Variants in ZSCAN5A observed in about 807,000 individuals in gnomAD.
The protein encoded by ZSCAN5A is zinc finger and SCAN domain-containing protein 5A.
In ZSCAN5A, 12 loss-of-function variants were observed where a neutral mutation model predicts 23.7. That is an observed-to-expected ratio of 0.51 (90% CI 0.32 to 0.82). The LOEUF is 0.82. Among genes scored for constraint, ZSCAN5A ranks in the 40% least tolerant of loss-of-function variants. ZSCAN5A has a pLI of 0.03. For missense variants in ZSCAN5A, 597 were observed against 617.9 expected, an observed-to-expected ratio of 0.97 and a Z score of 0.36; for synonymous variants, 257 against 239.9, an observed-to-expected ratio of 1.07 and a Z score of -0.66.
chr19:56,356,487 A>G lies in ZSCAN5A; in HGVS notation c.-358+6748T>C, dbSNP rs904702611. ...TCTAAGGAATGTGAAACTGGGGAGT[A>G]TAGATGAGGCTCATGGAGCACAGAA... On this transcript the variant is annotated intron_variant, in intron 2 of 6. Transcript: ENST00000587340. 6.7e-5 allele frequency among the ~76,000 whole-genome samples: 10 copies of G among 148,304 alleles called. 1 individual carries two copies. The highest frequency in any genetic ancestry group is 2.5e-4 in the African/African-American group (10 of 39,216).
intron 2 of ZSCAN5A, among the ~76,000 whole-genome samples, chr19:56,291,414 C>T (rs924997044): frequency 6.6e-6 from 1 of 152,198 alleles, no homozygotes; most frequent in Admixed American, 6.5e-5. Context: ...TCTCGAGTCA[C>T]CCACCCTGGG....
intron 2 of ZSCAN5A, among the ~76,000 whole-genome samples, chr19:56,235,053 C>T (rs1307160412): frequency 1.4e-5 from 2 of 139,956 alleles, no homozygotes; most frequent in African/African-American, 5.2e-5. Context: ...CCACTCCAGC[C>T]TCTGATTGAC....
At chr19:56,289,388 C>A (rs141820645) in intron 2 of ZSCAN5A, among the ~76,000 whole-genome samples, 1 of 152,252 alleles carries the variant, frequency 6.6e-6, no homozygotes, top group African/African-American at 2.4e-5. Context: ...AGGCCCTTTA[C>A]AGAGGGGAGG....
intron 2 of ZSCAN5A, chr19:56,304,704 G>T: frequency 1.3e-6 from 1 of 747,172 alleles, no homozygotes; most frequent in Non-Finnish European, 1.6e-6. Context: ...GCGAGAGGGG[G>T]ATGGGGAGAA....
intron 2 of ZSCAN5A, chr19:56,342,901 C>T (rs745381712): frequency 1.9e-6 from 2 of 1,031,548 alleles, no homozygotes; most frequent in Non-Finnish European, 3.1e-6. Context: ...TCTCCCCATC[C>T]TGAGGCACCT....
At chr19:56,261,216 GA>G (rs1291324566) in intron 2 of ZSCAN5A, among the ~76,000 whole-genome samples, 1 of 146,370 alleles carries the variant, frequency 6.8e-6, no homozygotes, top group Admixed American at 6.8e-5. Flanking sequence ...AAAAAAAAAA[GA>G]AAAAAATAAA....
chr19:56,288,209 C>A (rs573297416), intron 2 of ZSCAN5A, among the ~76,000 whole-genome samples: 6 of 152,308 alleles, frequency 3.9e-5, no homozygotes, highest in African/African-American at 1.4e-4. Context: ...TCTCCAGCCA[C>A]GTCTTGTACC....
intron 2 of ZSCAN5A, among the ~76,000 whole-genome samples, chr19:56,284,774 A>G (rs552867210): frequency 5.7e-4 from 87 of 152,134 alleles, no homozygotes; most frequent in African/African-American, 2.0e-3. Flanking sequence ...TCAGCCCCCA[A>G]AGTGCTAGGA....
chr19:56,227,355 G>T (rs1264841758), intron 2 of ZSCAN5A, among the ~76,000 whole-genome samples: 1 of 152,196 alleles, frequency 6.6e-6, no homozygotes, highest in Non-Finnish European at 1.5e-5. Flanking sequence ...AGATATGATA[G>T]AGAAAAGGGA....
At chr19:56,245,033 CAT>C (rs2035757704) in intron 2 of ZSCAN5A, among the ~76,000 whole-genome samples, 1 of 152,176 alleles carries the variant, frequency 6.6e-6, no homozygotes, top group African/African-American at 2.4e-5. Flanking sequence ...CTAAAGGACT[CAT>C]ATTTATGTAC....
intron 2 of ZSCAN5A, among the ~76,000 whole-genome samples, chr19:56,362,525 C>T (rs971790926): frequency 6.6e-6 from 1 of 151,300 alleles, no homozygotes; most frequent in African/African-American, 2.4e-5. Context: ...GCCGAGATTG[C>T]ACAAAAAGGC....
chr19:56,236,290 G>A (rs1267659767), intron 2 of ZSCAN5A, among the ~76,000 whole-genome samples: 1 of 50,874 alleles, frequency 2.0e-5, no homozygotes, highest in Non-Finnish European at 3.8e-5. Context: ...CTGATTGACC[G>A]TGGGCCAAGC....
chr19:56,269,688 A>C (rs1369107913), intron 2 of ZSCAN5A, among the ~76,000 whole-genome samples: 3 of 152,196 alleles, frequency 2.0e-5, no homozygotes, highest in African/African-American at 7.2e-5. Context: ...TGGCCTGAAA[A>C]TGGGAGAGGG....
chr19:56,260,876 C>A (rs1429817573), intron 2 of ZSCAN5A, among the ~76,000 whole-genome samples: 1 of 152,134 alleles, frequency 6.6e-6, no homozygotes, highest in Admixed American at 6.5e-5. Context: ...TTAAACTCCA[C>A]AACCAACTGC....
intron 2 of ZSCAN5A, among the ~76,000 whole-genome samples, chr19:56,269,199 C>A (rs1298389398): frequency 3.9e-5 from 6 of 152,152 alleles, no homozygotes; most frequent in African/African-American, 2.4e-5. Context: ...TGAGAAACTG[C>A]CAAACTATCT....
intron 2 of ZSCAN5A, among the ~76,000 whole-genome samples, chr19:56,293,155 T>C (rs888861956): frequency 1.3e-5 from 2 of 152,062 alleles, no homozygotes; most frequent in African/African-American, 4.8e-5. Context: ...AAAAAACAAA[T>C]TGAAAAATGG....
At chr19:56,273,069 A>G (rs62122532) in intron 2 of ZSCAN5A, 77,219 of 174,300 alleles carry the variant, frequency 0.44, 18,746 homozygotes, top group Non-Finnish European at 0.53. Flanking sequence ...TGATGGACAC[A>G]GTGGGGTGAA....
intron 2 of ZSCAN5A, among the ~76,000 whole-genome samples, chr19:56,349,212 A>G (rs768750729): frequency 2.6e-5 from 4 of 152,072 alleles, no homozygotes; most frequent in Non-Finnish European, 4.4e-5. Flanking sequence ...GTATTAGTAA[A>G]ACTCTCACCT....
At chr19:56,241,301 C>G (rs2035407361) in intron 2 of ZSCAN5A, among the ~76,000 whole-genome samples, 2 of 152,154 alleles carry the variant, frequency 1.3e-5, no homozygotes, top group South Asian at 4.1e-4. Context: ...CTATGTTGCC[C>G]AGGCTGTTAT....
Sources: allele counts gnomAD v4.1 joint callset (sites outside exome capture counted in the v4.1 genomes callset), GRCh38; gene constraint gnomAD v4.1.1; transcripts MANE v1.5; gene names NCBI Gene and HGNC (gene_info 2026-07-23, HGNC 2026-07-21).